PRKG1: variants seen among roughly 807,000 people sequenced by gnomAD.
The protein encoded by PRKG1 is protein kinase cGMP-dependent 1.
A neutral mutation model predicts 88.1 loss-of-function variants in PRKG1; 35 were observed. The observed-to-expected ratio is 0.40, with a 90% CI of 0.30 to 0.53. The LOEUF (loss-of-function observed/expected upper bound fraction) is 0.53. Among genes scored for constraint, PRKG1 ranks in the 20% least tolerant of loss-of-function variants. The probability of loss-of-function intolerance (pLI) is 0.59; values close to 1 mark genes in which losing one functional copy is unlikely to be tolerated. For missense variants in PRKG1, 540 were observed against 839.8 expected (o/e 0.64, Z 4.41); for synonymous variants, 303 against 292.5 (o/e 1.04, Z -0.37).
chr10:51,468,009 C>A, intron 3 of PRKG1, 173 bp downstream of exon 3: 1 of 583,982 alleles, frequency 1.7e-6, no homozygotes, highest in Non-Finnish European at 3.0e-6. Flanking sequence ...TGATTGTTAA[C>A]AATCAGTTTT....
rs74262042 is a variant in PRKG1, at chr10:52,123,839, T to TA, written c.936-9991dup. ...TGGTAAAGGAAAAGAAAGTGAATCT[T>TA]AAAAAAAAAATAAATCCTTAGAACT... On this transcript the variant is annotated intron_variant, in intron 7 of 17. Coordinates refer to ENST00000373980, the MANE Select transcript of PRKG1 (RefSeq NM_006258.4). 6.8e-3 allele frequency among the ~76,000 whole-genome samples: 1,023 copies of TA among 150,046 alleles called. 6 individuals carry two copies. Among genetic ancestry groups the TA allele is most frequent in the African/African-American group, 0.023 (962 of 41,028 alleles).
At chr10:51,802,988 A>G (rs1176673323) in intron 3 of PRKG1, among the ~76,000 whole-genome samples, 2 of 152,038 alleles carry the variant, frequency 1.3e-5, no homozygotes, top group East Asian at 1.9e-4. Context: ...TTGTTTATGT[A>G]CTTTCCCCAC....
rs144060351 is a variant in PRKG1 at position 51,281,660 on chromosome 10, C to T, written c.478+128330C>T. On this transcript the variant is annotated intron_variant, in intron 2 of 17. Coordinates refer to ENST00000373980, the MANE Select transcript of PRKG1 (RefSeq NM_006258.4). ...TAGCCAAACAAAAGGCAGCAGAAACCTCTGCAGACTTAAGTGTCCCTGTCT... is the reference window on the plus strand; with the variant it reads ...TAGCCAAACAAAAGGCAGCAGAAACTTCTGCAGACTTAAGTGTCCCTGTCT... 7.3e-3 allele frequency among the ~76,000 whole-genome samples: 1,116 copies of T among 152,318 alleles called. 10 individuals carry two copies. The highest frequency in any genetic ancestry group is 0.025 in the African/African-American group (1,054 of 41,566).
chr10:51,285,962 T>TTTA (rs1198951730), intron 2 of PRKG1, among the ~76,000 whole-genome samples: 1 of 146,182 alleles, frequency 6.8e-6, no homozygotes, highest in East Asian at 2.0e-4. Context: ...GGTGCCTTTA[T>TTTA]TTATTTATTA....
intron 2 of PRKG1, among the ~76,000 whole-genome samples, chr10:51,330,092 T>G (rs930818667): frequency 3.3e-5 from 5 of 149,464 alleles, no homozygotes; most frequent in Admixed American, 2.0e-4. Flanking sequence ...TCCCATGACT[T>G]GTACATTTGC....
At chr10:51,414,134 T>C (rs1437995613) in intron 2 of PRKG1, among the ~76,000 whole-genome samples, 1 of 152,210 alleles carries the variant, frequency 6.6e-6, no homozygotes, top group Non-Finnish European at 1.5e-5. Context: ...GTGTGTGCAG[T>C]GCCCATCATG....
At position 52,273,273 on chromosome 10, in the gene PRKG1, T is replaced by C. The variant is rs570975510; in HGVS notation, c.1403+792T>C. ...TTAAAAACACACTTTTATTTTCCTA[T>C]GAATAATCTTTTGATTATTTTCCAT... On this transcript the variant is annotated intron_variant, in intron 12 of 17. Transcript: ENST00000373980. Among the ~76,000 whole-genome samples the C allele has an allele frequency of 2.0e-5, 3 of 152,214 alleles. No homozygotes were observed. In the South Asian group the frequency reaches 6.2e-4, roughly 32 times the overall value.
intron 3 of PRKG1, among the ~76,000 whole-genome samples, chr10:51,602,786 A>G (rs1355227398): frequency 7.0e-6 from 1 of 143,024 alleles, no homozygotes; most frequent in South Asian, 2.2e-4. Flanking sequence ...GTGTGTATAT[A>G]TTCATATATA....
intron 9 of PRKG1, among the ~76,000 whole-genome samples, chr10:52,243,862 C>T (rs1176435085): frequency 6.6e-6 from 1 of 151,960 alleles, no homozygotes; most frequent in Non-Finnish European, 1.5e-5. Context: ...CTGTATATTC[C>T]CGTTGGCTAT....
chr10:51,656,926 T>A (rs1456629128), intron 3 of PRKG1, among the ~76,000 whole-genome samples: 1 of 152,138 alleles, frequency 6.6e-6, no homozygotes, highest in Non-Finnish European at 1.5e-5. Flanking sequence ...TGACTATGAA[T>A]CTTGACTTTT....
intron 1 of PRKG1, among the ~76,000 whole-genome samples, chr10:51,110,244 TGTG>T (rs1409254839): frequency 6.6e-6 from 1 of 152,112 alleles, no homozygotes; most frequent in Non-Finnish European, 1.5e-5. Context: ...CATGAAGACT[TGTG>T]GGGTGTCCAT....
chr10:52,255,416 G>A (rs1319843927), intron 10 of PRKG1, among the ~76,000 whole-genome samples: 5 of 151,758 alleles, frequency 3.3e-5, no homozygotes, highest in Admixed American at 6.6e-5. Flanking sequence ...ATATGTAGTC[G>A]GTGCTTTAAA....
At position 51,750,159 on chromosome 10, in the gene PRKG1, C is replaced by T. The variant is rs147851073; in HGVS notation, c.593-54426C>T. Among the ~76,000 whole-genome samples the T allele has an allele frequency of 3.0e-3, 458 of 152,170 alleles. 3 individuals carry two copies. The highest frequency in any genetic ancestry group is 0.01 in the African/African-American group (431 of 41,504). ...TCATATTGGCCAGGCTGGTCTCGAA[C>T]TCCTGACCTCAGGTGATCCACCCAC... On this transcript the variant is annotated intron_variant, in intron 3 of 17. Transcript: ENST00000373980.
intron 5 of PRKG1, among the ~76,000 whole-genome samples, chr10:51,928,262 G>A (rs557854287): frequency 6.6e-6 from 1 of 152,302 alleles, no homozygotes; most frequent in South Asian, 2.1e-4. Flanking sequence ...TAGCATTAAA[G>A]CTTTCTCTAT....
rs374783083 is a variant in PRKG1, at chr10:51,208,538, A to G, written c.478+55208A>G. Among the ~76,000 whole-genome samples the G allele has an allele frequency of 1.6e-4, 24 of 152,306 alleles. No homozygotes were observed. The East Asian group carries it at 3.9e-3, about 24-fold the overall frequency. Reference sequence around the variant, plus strand: ...CCTTTCTGTAATATTAAGGATGAAAAGGGTTAGGGGAGTTCAGAAATGAGA... The same window carrying G: ...CCTTTCTGTAATATTAAGGATGAAAGGGGTTAGGGGAGTTCAGAAATGAGA... On this transcript the variant is annotated intron_variant, in intron 2 of 17. Coordinates refer to ENST00000373980, the MANE Select transcript of PRKG1 (RefSeq NM_006258.4).
At position 51,869,022 on chromosome 10, in the gene PRKG1, A is replaced by G. The variant is rs531950867; in HGVS notation, c.699-38485A>G. ...TAATTTTATTGCTCTATTTGTATTTATAATATTTATTGGGTCTTTTTCTTT... is the reference window on the plus strand; with the variant it reads ...TAATTTTATTGCTCTATTTGTATTTGTAATATTTATTGGGTCTTTTTCTTT... On this transcript the variant is annotated intron_variant, in intron 4 of 17. Transcript: ENST00000373980. Among the ~76,000 whole-genome samples the G allele has an allele frequency of 4.6e-5, 7 of 152,266 alleles. 1 individual carries two copies. The South Asian group carries it at 1.4e-3, about 32-fold the overall frequency.
Position 50,991,136 on chromosome 10 carries a change from C to A in PRKG1, c.-243C>A. The A allele has an allele frequency of 2.0e-6, 1 of 492,116 alleles. No individual in the cohort carries two copies. The allele number at this position is 492,116 out of a possible 1,614,324, so 30.5% of individuals were successfully genotyped here. On this transcript the variant is annotated 5_prime_UTR_variant, in exon 1 of 18. Transcript: ENST00000401604. The surrounding 1 kb of genome is among the most constrained non-coding windows in gnomAD (Gnocchi z 4.5). The stretch of plus-strand genomic sequence containing the variant: ...GCTGGAGATTAGCACTCTGCCTCTC[C>A]TCTCCATCGCTTTTAGACTTCTCAT...
chr10:51,938,592 T>C (rs1240227746), intron 5 of PRKG1, among the ~76,000 whole-genome samples: 1 of 152,024 alleles, frequency 6.6e-6, no homozygotes, highest in Admixed American at 6.6e-5. Flanking sequence ...ATGATCCTAA[T>C]ACATATGTCA....
intron 12 of PRKG1, among the ~76,000 whole-genome samples, chr10:52,280,010 A>C (rs543655749): frequency 6.6e-6 from 1 of 152,104 alleles, no homozygotes; most frequent in Non-Finnish European, 1.5e-5. Flanking sequence ...TCATTCAATC[A>C]ATCAATCAAC....
Sources: gnomAD v4.1 joint callset for allele counts (sites outside exome capture counted in the v4.1 genomes callset) on GRCh38, gnomAD v4.1.1 for gene constraint, Gnocchi (gnomAD v3.1) non-coding constraint, MANE v1.5 for transcripts, NCBI Gene and HGNC (gene_info 2026-07-23, HGNC 2026-07-21) for gene names.